Variants in PHLPP1 observed in about 807,000 individuals in gnomAD.
The protein encoded by PHLPP1 is PH domain leucine-rich repeat-containing protein phosphatase 1.
Under a neutral mutation model 117.2 loss-of-function variants are expected in PHLPP1, and 42 were observed. The observed-to-expected ratio is 0.36, with a 90% CI of 0.28 to 0.46. The LOEUF is 0.46. PHLPP1 is among the 20% of genes least tolerant of loss of function. PHLPP1 has a pLI of 1.00. For missense variants in PHLPP1, 2,084 were observed against 2,241.9 expected, an observed-to-expected ratio of 0.93 and a Z score of 1.42; for synonymous variants, 1,042 against 970.7, an observed-to-expected ratio of 1.07 and a Z score of -1.37.
At chr18:62,794,533 A>G (rs561636828) in intron 1 of PHLPP1, among the ~76,000 whole-genome samples, 114 of 152,146 alleles carry the variant, frequency 7.5e-4, no homozygotes, top group Non-Finnish European at 1.4e-3. Context: ...ATGCCCAGCT[A>G]AGTTTTGATT....
At chr18:62,863,254 G>T (rs1915678118) in intron 4 of PHLPP1, among the ~76,000 whole-genome samples, 1 of 151,168 alleles carries the variant, frequency 6.6e-6, no homozygotes, top group East Asian at 1.9e-4. Flanking sequence ...TGTCACCCAG[G>T]CTGGAGTGCA....
At position 62,895,898 on chromosome 18, in the gene PHLPP1, A is replaced by G; in HGVS notation, c.2331A>G (p.Glu777=). The G allele has an allele frequency of 3.7e-6, 6 of 1,613,220 alleles. No individual in the cohort carries two copies. The highest frequency in any genetic ancestry group is 5.1e-6 in the Non-Finnish European group (6 of 1,179,196). Reference sequence around the variant, plus strand: ...TCAATGAATTTACTGACATTCCCGAAGTATTGGAGAAATTGACTGCTGTGG... The same window carrying G: ...TCAATGAATTTACTGACATTCCCGAGGTATTGGAGAAATTGACTGCTGTGG... ...LSFNEFTDIP[E]VLEKLTAVDK... The change falls in exon 6 of 17, where the codon GAA becomes GAG. Residue 777 remains glutamate (E), a synonymous_variant. Coordinates refer to ENST00000262719, the MANE Select transcript of PHLPP1 (RefSeq NM_194449.4).
chr18:62,755,987 C>CT (rs1912004073), intron 1 of PHLPP1, among the ~76,000 whole-genome samples: 1 of 147,448 alleles, frequency 6.8e-6, no homozygotes, highest in Non-Finnish European at 1.5e-5. Flanking sequence ...TTTGTTCCCC[C>CT]CCCCCTTCAA....
At chr18:62,853,376 G>A (rs764518572) in intron 3 of PHLPP1, among the ~76,000 whole-genome samples, 4 of 143,578 alleles carry the variant, frequency 2.8e-5, no homozygotes, top group African/African-American at 5.2e-5. Context: ...TTCTTGTTTC[G>A]TTTTGTTTTT....
At chr18:62,814,230 T>C (rs1015801409) in intron 1 of PHLPP1, among the ~76,000 whole-genome samples, 1 of 152,222 alleles carries the variant, frequency 6.6e-6, no homozygotes, top group African/African-American at 2.4e-5. Flanking sequence ...ACTTCATATA[T>C]TTTGATCTGA....
chr18:62,763,650 G>A (rs1912337480), intron 1 of PHLPP1, among the ~76,000 whole-genome samples: 1 of 152,074 alleles, frequency 6.6e-6, no homozygotes, highest in Admixed American at 6.6e-5. Flanking sequence ...TTTTCTCACT[G>A]TCAGAGTCAG....
chr18:62,817,426 A>G (rs1914314909), intron 1 of PHLPP1, among the ~76,000 whole-genome samples: 1 of 152,256 alleles, frequency 6.6e-6, no homozygotes, highest in Non-Finnish European at 1.5e-5. Context: ...TATGTAGGTA[A>G]ATACACACAC....
chr18:62,929,485 T>C (rs1020350404), intron 10 of PHLPP1, among the ~76,000 whole-genome samples: 19 of 152,056 alleles, frequency 1.2e-4, no homozygotes, highest in African/African-American at 4.6e-4. Context: ...CAGAAAGCTG[T>C]TTGGGCGTGA....
At chr18:62,845,409 C>A (rs905920898) in intron 3 of PHLPP1, among the ~76,000 whole-genome samples, 1 of 152,112 alleles carries the variant, frequency 6.6e-6, no homozygotes, top group Non-Finnish European at 1.5e-5. Context: ...TCATGCTAAA[C>A]GATCCCATGA....
intron 1 of PHLPP1, among the ~76,000 whole-genome samples, chr18:62,799,748 G>T (rs1913723386): frequency 6.6e-6 from 1 of 152,084 alleles, no homozygotes; most frequent in Admixed American, 6.5e-5. Context: ...TCCCTCACCT[G>T]TATTCATATT....
At chr18:62,940,434 C>T (rs1021495790) in intron 10 of PHLPP1, among the ~76,000 whole-genome samples, 3 of 140,592 alleles carry the variant, frequency 2.1e-5, no homozygotes, top group Non-Finnish European at 3.0e-5. Flanking sequence ...GTGCGATCTC[C>T]GCTCACTGCA....
At chr18:62,740,166 G>A (rs1911481788) in intron 1 of PHLPP1, among the ~76,000 whole-genome samples, 1 of 150,060 alleles carries the variant, frequency 6.7e-6, no homozygotes, top group South Asian at 2.1e-4. Flanking sequence ...GGGCGGGAGG[G>A]AGGGTGGGTA....
intron 3 of PHLPP1, among the ~76,000 whole-genome samples, chr18:62,841,266 T>G (rs1915043666): frequency 6.6e-6 from 1 of 152,102 alleles, no homozygotes; most frequent in African/African-American, 2.4e-5. Context: ...TTGCATTTGA[T>G]TGTCATGTCT....
intron 3 of PHLPP1, among the ~76,000 whole-genome samples, chr18:62,848,045 A>C (rs1347865403): frequency 6.6e-6 from 1 of 152,182 alleles, no homozygotes; most frequent in African/African-American, 2.4e-5. Flanking sequence ...GGCAATTCCA[A>C]CAATTCCTTC....
At chr18:62,918,772 C>T (rs1031689789) in intron 9 of PHLPP1, among the ~76,000 whole-genome samples, 14 of 151,780 alleles carry the variant, frequency 9.2e-5, no homozygotes, top group East Asian at 1.9e-4. Flanking sequence ...AGACCTATTG[C>T]GCAGCATTGT....
chr18:62,954,592 A>G (rs1910559424), intron 12 of PHLPP1, among the ~76,000 whole-genome samples: 1 of 152,040 alleles, frequency 6.6e-6, no homozygotes, highest in African/African-American at 2.4e-5. Context: ...CCAGATACCA[A>G]CATCCTGTAA....
At chr18:62,744,759 G>A (rs1465599001) in intron 1 of PHLPP1, among the ~76,000 whole-genome samples, 1 of 152,330 alleles carries the variant, frequency 6.6e-6, no homozygotes, top group African/African-American at 2.4e-5. Flanking sequence ...GTTACTGGAA[G>A]TGATTGTAAT....
chr18:62,745,557 G>A (rs1437909121), intron 1 of PHLPP1, among the ~76,000 whole-genome samples: 1 of 152,190 alleles, frequency 6.6e-6, no homozygotes, highest in African/African-American at 2.4e-5. Flanking sequence ...GCATGTGGGT[G>A]CCTTCACATA....
chr18:62,901,424 A>T (rs937940831), intron 6 of PHLPP1, among the ~76,000 whole-genome samples: 1 of 152,200 alleles, frequency 6.6e-6, no homozygotes, highest in Non-Finnish European at 1.5e-5. Context: ...TCTTAGGGCC[A>T]TTGGAAAAGG....
Sources: allele counts gnomAD v4.1 joint callset (sites outside exome capture counted in the v4.1 genomes callset), GRCh38; gene constraint gnomAD v4.1.1; transcripts MANE v1.5; gene names NCBI Gene and HGNC (gene_info 2026-07-23, HGNC 2026-07-21).